The following MACROD2 variants were observed in gnomAD, a reference collection of about 807,000 sequenced individuals.
MACROD2 encodes mono-ADP ribosylhydrolase 2, also known as ADP-ribose glycohydrolase MACROD2.
A neutral mutation model predicts 70.4 loss-of-function variants in MACROD2; 36 were observed. That is an observed-to-expected ratio of 0.51 (90% CI 0.39 to 0.68). The LOEUF (loss-of-function observed/expected upper bound fraction) is 0.68, where lower values mean the gene tolerates loss of function less well. MACROD2 is among the 30% of genes least tolerant of loss of function. The pLI, the probability that MACROD2 is intolerant of heterozygous loss-of-function variation, is 0.00. For missense variants in MACROD2, 496 were observed against 538.4 expected (o/e 0.92, Z 0.78); for synonymous variants, 172 against 178.8 (o/e 0.96, Z 0.30).
At chr20:15,659,927 T>A (rs568586743) in intron 8 of MACROD2, among the ~76,000 whole-genome samples, 1 of 152,292 alleles carries the variant, frequency 6.6e-6, no homozygotes, top group East Asian at 1.9e-4. Flanking sequence ...TGTCTGTCAC[T>A]GCTGTCATTA....
In MACROD2 at chr20:14,684,912, A is replaced by T. The variant is rs767557614; in HGVS notation, c.371A>T (p.Asp124Val). Residue 124 changes from aspartate (D) to valine (V), a missense_variant, in exon 5 of 18, where the codon GAT (aspartate) becomes GTT (valine). Asp to Val is a radical substitution (Grantham distance 152). Transcript: ENST00000684519. ...GAATGTCGTAACCTGAATGGCTGTGATACTGGACATGCAAAAATCACATGT... is the reference window on the plus strand; with the variant it reads ...GAATGTCGTAACCTGAATGGCTGTGTTACTGGACATGCAAAAATCACATGT... ...LAECRNLNGC[D>V]TGHAKITCGY... 2.5e-6 allele frequency: 4 copies of T among 1,614,046 alleles called. No individual in the cohort carries two copies. The highest frequency in any genetic ancestry group is 3.4e-6 in the Non-Finnish European group (4 of 1,179,954).
intron 6 of MACROD2, among the ~76,000 whole-genome samples, chr20:15,240,587 A>G (rs2077052402): frequency 6.6e-6 from 1 of 152,190 alleles, no homozygotes. Context: ...AAGAAGAAAA[A>G]GGAAAATGGG....
intron 3 of MACROD2, among the ~76,000 whole-genome samples, chr20:14,438,068 AT>A (rs2084079294): frequency 6.6e-6 from 1 of 152,086 alleles, no homozygotes; most frequent in African/African-American, 2.4e-5. Flanking sequence ...CATATTTGCT[AT>A]TTTACATACT....
At chr20:14,585,668 A>C (rs1455471784) in intron 4 of MACROD2, among the ~76,000 whole-genome samples, 1 of 152,148 alleles carries the variant, frequency 6.6e-6, no homozygotes, top group Non-Finnish European at 1.5e-5. Context: ...GACCTCATGA[A>C]GTGTACAGAA....
chr20:15,670,704 A>G (rs2049968477), intron 8 of MACROD2, among the ~76,000 whole-genome samples: 1 of 152,208 alleles, frequency 6.6e-6, no homozygotes, highest in Non-Finnish European at 1.5e-5. Context: ...AGCGACCTCA[A>G]ATTCAGTCCT....
intron 8 of MACROD2, among the ~76,000 whole-genome samples, chr20:15,622,692 T>C (rs908939076): frequency 6.6e-6 from 1 of 152,166 alleles, no homozygotes; most frequent in Non-Finnish European, 1.5e-5. Flanking sequence ...GCCTACGTCA[T>C]CCACCTCACT....
At chr20:15,556,840 A>G (rs187504271) in intron 8 of MACROD2, among the ~76,000 whole-genome samples, 3 of 152,328 alleles carry the variant, frequency 2.0e-5, no homozygotes, top group African/African-American at 7.2e-5. Context: ...GTAATTTGCT[A>G]CAGTGAACTT....
chr20:15,096,852 C>A (rs2075837374), intron 5 of MACROD2, among the ~76,000 whole-genome samples: 1 of 135,760 alleles, frequency 7.4e-6, no homozygotes, highest in Admixed American at 8.1e-5. Flanking sequence ...CACTCTGTTG[C>A]CCAGGCTAGA....
intron 8 of MACROD2, among the ~76,000 whole-genome samples, chr20:15,819,915 ATT>A (rs2063921066): frequency 1.3e-5 from 2 of 152,154 alleles, no homozygotes; most frequent in South Asian, 4.1e-4. Flanking sequence ...GATTTTTGTT[ATT>A]CTCACCCCAA....
chr20:14,642,783 C>G, intron 4 of MACROD2, among the ~76,000 whole-genome samples: 1 of 151,774 alleles, frequency 6.6e-6, no homozygotes, highest in East Asian at 1.9e-4. Flanking sequence ...GATCACTGAT[C>G]AGAGATCACT....
intron 8 of MACROD2, among the ~76,000 whole-genome samples, chr20:15,714,778 CATAT>C (rs1327994931): frequency 1.3e-5 from 2 of 151,940 alleles, no homozygotes; most frequent in African/African-American, 4.8e-5. Flanking sequence ...TAATATGTGC[CATAT>C]ACTTTTTTAT....
At chr20:15,357,079 A>G (rs2078296244) in intron 6 of MACROD2, among the ~76,000 whole-genome samples, 1 of 152,144 alleles carries the variant, frequency 6.6e-6, no homozygotes, top group African/African-American at 2.4e-5. Context: ...GCACATGTGT[A>G]CCTACTTAAT....
chr20:15,347,690 A>G (rs920293019), intron 6 of MACROD2, among the ~76,000 whole-genome samples: 1 of 152,224 alleles, frequency 6.6e-6, no homozygotes, highest in Non-Finnish European at 1.5e-5. Context: ...AATGTAATAC[A>G]GTATAATATA....
intron 10 of MACROD2, among the ~76,000 whole-genome samples, chr20:15,890,717 T>C (rs1601067229): frequency 6.6e-6 from 1 of 152,218 alleles, no homozygotes; most frequent in East Asian, 1.9e-4. Context: ...AAGTTTTTAA[T>C]AGCACATCTA....
intron 3 of MACROD2, among the ~76,000 whole-genome samples, chr20:14,221,429 C>T (rs1323850896): frequency 1.3e-5 from 2 of 152,008 alleles, no homozygotes; most frequent in African/African-American, 4.8e-5. Context: ...AGGTATTACC[C>T]CCTGCAGAAA....
At chr20:14,075,664 T>C (rs2148663443) in intron 2 of MACROD2, among the ~76,000 whole-genome samples, 1 of 152,302 alleles carries the variant, frequency 6.6e-6, no homozygotes, top group Non-Finnish European at 1.5e-5. Flanking sequence ...CTTCAAAGCC[T>C]TACCTCTTTC....
At chr20:15,451,476 A>C (rs1046740889) in intron 7 of MACROD2, among the ~76,000 whole-genome samples, 5 of 150,322 alleles carry the variant, frequency 3.3e-5, no homozygotes, top group Non-Finnish European at 7.4e-5. Flanking sequence ...CATCTTTGAA[A>C]TACACTCGAG....
At chr20:15,463,746 C>T (rs901767227) in intron 7 of MACROD2, among the ~76,000 whole-genome samples, 1 of 152,092 alleles carries the variant, frequency 6.6e-6, no homozygotes, top group African/African-American at 2.4e-5. Flanking sequence ...AAGACTCCAT[C>T]TCAAAAAACA....
At chr20:15,984,375 G>A (rs552844888) in intron 13 of MACROD2, among the ~76,000 whole-genome samples, 104 of 151,908 alleles carry the variant, frequency 6.8e-4, no homozygotes, top group Non-Finnish European at 1.0e-3. Flanking sequence ...TTTACTAAAG[G>A]TATATTTTAC....
Sources: allele counts gnomAD v4.1 joint callset (sites outside exome capture counted in the v4.1 genomes callset), GRCh38; gene constraint gnomAD v4.1.1; transcripts MANE v1.5; gene names NCBI Gene and HGNC (gene_info 2026-07-23, HGNC 2026-07-21).